The following LPP variants were observed in gnomAD, a reference collection of about 807,000 sequenced individuals.
LPP encodes lipoma-preferred partner.
A neutral mutation model predicts 60.4 loss-of-function variants in LPP; 38 were observed. The observed-to-expected ratio is 0.63, with a 90% CI of 0.49 to 0.83. The LOEUF (loss-of-function observed/expected upper bound fraction) is 0.83, where lower values mean the gene tolerates loss of function less well. Ranked by LOEUF, LPP falls within the 40% of genes least tolerant of loss-of-function variation. LPP has a pLI of 0.00. For synonymous variants in LPP, 328 were observed against 290.8 expected, an observed-to-expected ratio of 1.13 and a Z score of -1.30; for missense variants, 902 against 783.6, an observed-to-expected ratio of 1.15 and a Z score of -1.80.
chr3:188,667,071 C>T (rs1229560060), intron 7 of LPP, among the ~76,000 whole-genome samples: 5 of 152,110 alleles, frequency 3.3e-5, no homozygotes, highest in East Asian at 1.9e-4. Flanking sequence ...GCTCTGATTA[C>T]GTAGGATTCA....
chr3:188,175,802 A>T (rs1469454322), intron 1 of LPP, among the ~76,000 whole-genome samples: 1 of 152,142 alleles, frequency 6.6e-6, no homozygotes, highest in Admixed American at 6.5e-5. Flanking sequence ...TAGTACCAGG[A>T]TGCCACTGTG....
intron 8 of LPP, chr3:188,709,284 T>C (rs1043981765): frequency 1.3e-5 from 2 of 152,218 alleles, no homozygotes; most frequent in Non-Finnish European, 2.9e-5. Flanking sequence ...AAATAATTAC[T>C]AGTCTAGGTA....
intron 3 of LPP, among the ~76,000 whole-genome samples, chr3:188,347,943 G>T (rs75797729): frequency 6.6e-6 from 1 of 152,114 alleles, no homozygotes; most frequent in Non-Finnish European, 1.5e-5. Flanking sequence ...CAAGAACAAG[G>T]CTTTATACCA....
chr3:188,344,100 A>G (rs1407713428), intron 3 of LPP, among the ~76,000 whole-genome samples: 1 of 152,198 alleles, frequency 6.6e-6, no homozygotes, highest in Non-Finnish European at 1.5e-5. Flanking sequence ...TTAATAGGCA[A>G]GATCTGTACT....
At chr3:188,263,345 C>T (rs1288311630) in intron 2 of LPP, among the ~76,000 whole-genome samples, 1 of 152,218 alleles carries the variant, frequency 6.6e-6, no homozygotes, top group Non-Finnish European at 1.5e-5. Flanking sequence ...CAGACTTCAA[C>T]ACAAATGCCA....
chr3:188,291,645 C>CAAA (rs34001206), intron 2 of LPP, among the ~76,000 whole-genome samples: 12,499 of 96,484 alleles, frequency 0.13, 889 homozygotes, highest in Non-Finnish European at 0.15. Context: ...GACTCTGTCT[C>CAAA]AAAAAAAAAA....
At chr3:188,271,709 G>C (rs1737793113) in intron 2 of LPP, among the ~76,000 whole-genome samples, 1 of 152,110 alleles carries the variant, frequency 6.6e-6, no homozygotes, top group African/African-American at 2.4e-5. Context: ...TGCTTCTTTG[G>C]GAGAGGGTTC....
chr3:188,310,117 G>T (rs1752914079), intron 2 of LPP, among the ~76,000 whole-genome samples: 1 of 151,998 alleles, frequency 6.6e-6, no homozygotes, highest in South Asian at 2.1e-4. Context: ...CTGTGAGGAT[G>T]CATCAGCTTT....
chr3:188,677,831 A>T (rs1252978023), intron 7 of LPP, among the ~76,000 whole-genome samples: 1 of 152,046 alleles, frequency 6.6e-6, no homozygotes, highest in East Asian at 1.9e-4. Context: ...TAAGGTGTTT[A>T]CATCAGTGCT....
At chr3:188,812,634 G>A (rs757406101) in intron 9 of LPP, among the ~76,000 whole-genome samples, 20 of 152,046 alleles carry the variant, frequency 1.3e-4, no homozygotes, top group Non-Finnish European at 2.6e-4. Flanking sequence ...CACTGATGGG[G>A]TAAATTAGCG....
intron 2 of LPP, among the ~76,000 whole-genome samples, chr3:188,267,071 A>T (rs966630130): frequency 3.3e-5 from 5 of 152,158 alleles, no homozygotes; most frequent in Admixed American, 1.3e-4. Context: ...AAGCAGGAAG[A>T]TCTTTCCTGA....
At chr3:188,474,662 G>GT (rs1299157813) in intron 4 of LPP, among the ~76,000 whole-genome samples, 2 of 152,160 alleles carry the variant, frequency 1.3e-5, no homozygotes, top group African/African-American at 4.8e-5. Flanking sequence ...GTTTTTACTG[G>GT]TAAATTAAGA....
chr3:188,215,096 A>G lies in LPP; in HGVS notation c.-189-10309A>G, dbSNP rs1004094420. ...CGAGGTGGGCAGATCACTTGAGCCC[A>G]GGAATTCAAGTCCAGCTTGGCCAAC... is the stretch of plus-strand genomic sequence containing the variant. On this transcript the variant is annotated intron_variant, in intron 1 of 11. Coordinates refer to ENST00000617246, the MANE Select transcript of LPP (RefSeq NM_001375462.1). Among the ~76,000 whole-genome samples, 8 of 152,148 alleles carry G rather than the reference A, an allele frequency of 5.3e-5. No individual in the cohort carries two copies. In the East Asian group the frequency reaches 5.8e-4, roughly 11 times the overall value.
intron 9 of LPP, among the ~76,000 whole-genome samples, chr3:188,803,132 C>T (rs1486647999): frequency 6.6e-6 from 1 of 150,440 alleles, no homozygotes; most frequent in Admixed American, 6.6e-5. Flanking sequence ...CCAACCTCCG[C>T]CTCCAGGGTT....
intron 1 of LPP, among the ~76,000 whole-genome samples, chr3:188,162,454 A>G (rs1403982302): frequency 1.3e-5 from 2 of 152,222 alleles, no homozygotes; most frequent in Non-Finnish European, 2.9e-5. Flanking sequence ...TTTCACTAGT[A>G]CTAATTAGTA....
intron 2 of LPP, among the ~76,000 whole-genome samples, chr3:188,270,130 T>C (rs1486258213): frequency 1.3e-5 from 2 of 152,196 alleles, no homozygotes; most frequent in East Asian, 3.9e-4. Context: ...TGAGATTGCC[T>C]GAGAATAGGC....
intron 6 of LPP, among the ~76,000 whole-genome samples, chr3:188,539,826 G>A (rs1824660155): frequency 6.6e-6 from 1 of 152,098 alleles, no homozygotes; most frequent in South Asian, 2.1e-4. Flanking sequence ...GGCAACAGAT[G>A]GGAGCTCATT....
At chr3:188,835,149 G>A (rs1002413288) in intron 9 of LPP, among the ~76,000 whole-genome samples, 33 of 151,956 alleles carry the variant, frequency 2.2e-4, no homozygotes, top group African/African-American at 7.7e-4. Flanking sequence ...TATTCACAGG[G>A]TCATAACACT....
At chr3:188,708,669 G>C (rs1865967072) in intron 8 of LPP, 1 of 522,842 alleles carries the variant, frequency 1.9e-6, no homozygotes, top group Admixed American at 3.3e-5. Context: ...ACCAGTCTAG[G>C]CAACATGGGG....
Sources: gnomAD v4.1 joint callset for allele counts (sites outside exome capture counted in the v4.1 genomes callset) on GRCh38, gnomAD v4.1.1 for gene constraint, MANE v1.5 for transcripts, NCBI Gene and HGNC (gene_info 2026-07-23, HGNC 2026-07-21) for gene names.